Variants in CNTNAP2 observed in about 807,000 individuals in gnomAD.
The protein encoded by CNTNAP2 is contactin associated protein 2.
Under a neutral mutation model 155.2 loss-of-function variants are expected in CNTNAP2, and 98 were observed. That is an observed-to-expected ratio of 0.63 (90% CI 0.54 to 0.75). The LOEUF is 0.75. CNTNAP2 is among the 30% of genes least tolerant of loss of function. The pLI is 0.00. For synonymous variants in CNTNAP2, 651 were observed against 631.2 expected, an observed-to-expected ratio of 1.03 and a Z score of -0.47; for missense variants, 1,727 against 1,688.1, an observed-to-expected ratio of 1.02 and a Z score of -0.40.
intron 8 of CNTNAP2, among the ~76,000 whole-genome samples, chr7:147,284,025 C>G (rs1482640800): frequency 2.6e-5 from 4 of 151,456 alleles, no homozygotes; most frequent in Non-Finnish European, 4.4e-5. Flanking sequence ...TCGGTGAAAT[C>G]TCTTTCATCT....
intron 1 of CNTNAP2, among the ~76,000 whole-genome samples, chr7:146,525,578 C>CTA (rs1563119591): frequency 1.1e-4 from 12 of 106,028 alleles, no homozygotes; most frequent in African/African-American, 3.2e-4. Flanking sequence ...CTATCTATCT[C>CTA]TCTATCTATC....
chr7:148,144,597 G>A (rs1272354351), intron 16 of CNTNAP2, among the ~76,000 whole-genome samples: 4 of 152,168 alleles, frequency 2.6e-5, no homozygotes, highest in Admixed American at 1.3e-4. Context: ...CCTGCAAGTG[G>A]GGTAAAGTCT....
intron 13 of CNTNAP2, among the ~76,000 whole-genome samples, chr7:147,746,179 A>G (rs1265372554): frequency 1.3e-5 from 2 of 152,190 alleles, no homozygotes; most frequent in African/African-American, 2.4e-5. Flanking sequence ...AGTAGTGACA[A>G]TGATTAAAAC....
intron 16 of CNTNAP2, among the ~76,000 whole-genome samples, chr7:148,143,375 G>T (rs1283411967): frequency 6.6e-6 from 1 of 152,126 alleles, no homozygotes; most frequent in African/African-American, 2.4e-5. Flanking sequence ...GATGGCTCTG[G>T]GATTAATTTA....
intron 12 of CNTNAP2, among the ~76,000 whole-genome samples, chr7:147,601,058 T>C (rs1046090784): frequency 1.3e-5 from 2 of 152,156 alleles, no homozygotes; most frequent in Non-Finnish European, 2.9e-5. Context: ...ATATCCAAAA[T>C]TGGAGAGAGC....
intron 1 of CNTNAP2, among the ~76,000 whole-genome samples, chr7:146,241,182 C>T (rs757153548): frequency 6.6e-6 from 1 of 152,174 alleles, no homozygotes; most frequent in Non-Finnish European, 1.5e-5. Context: ...GACAATTCAA[C>T]ATGAGATTTA....
chr7:147,880,854 G>GGGGTGT (rs1419812608), intron 13 of CNTNAP2, among the ~76,000 whole-genome samples: 2 of 143,088 alleles, frequency 1.4e-5, no homozygotes, highest in Admixed American at 7.0e-5. Flanking sequence ...ATTGGAGTTG[G>GGGGTGT]GTGTGTGTGT....
At chr7:146,708,488 G>A (rs2129174615) in intron 1 of CNTNAP2, among the ~76,000 whole-genome samples, 1 of 146,362 alleles carries the variant, frequency 6.8e-6, no homozygotes, top group Non-Finnish European at 1.5e-5. Context: ...GAGCTATTTA[G>A]CCTGAAATAT....
At chr7:148,398,175 G>C (rs966048961) in intron 22 of CNTNAP2, among the ~76,000 whole-genome samples, 8 of 152,216 alleles carry the variant, frequency 5.3e-5, no homozygotes, top group Admixed American at 2.0e-4. Context: ...AGTGGAGACA[G>C]AATCTGGTCA....
intron 11 of CNTNAP2, among the ~76,000 whole-genome samples, chr7:147,554,517 G>C (rs1405237239): frequency 6.6e-6 from 1 of 151,358 alleles, no homozygotes; most frequent in African/African-American, 2.4e-5. Flanking sequence ...CTGGCTTTCA[G>C]AAACTTTTTG....
intron 11 of CNTNAP2, among the ~76,000 whole-genome samples, chr7:147,522,434 G>GA (rs1027127496): frequency 2.6e-5 from 4 of 151,290 alleles, no homozygotes; most frequent in Non-Finnish European, 2.9e-5. Flanking sequence ...TAATATTTTA[G>GA]AAAAAAAACC....
chr7:147,173,358 T>C (rs12531741), intron 8 of CNTNAP2, among the ~76,000 whole-genome samples: 6 of 151,708 alleles, frequency 4.0e-5, no homozygotes, highest in African/African-American at 1.2e-4. Flanking sequence ...TGACTGACAA[T>C]CTCCCAACTT....
At chr7:146,933,685 C>G (rs1457968092) in intron 3 of CNTNAP2, among the ~76,000 whole-genome samples, 1 of 149,718 alleles carries the variant, frequency 6.7e-6, no homozygotes, top group Non-Finnish European at 1.5e-5. Context: ...TCGCAACCTA[C>G]TCATCTGACA....
chr7:148,263,552 C>T (rs1408046506), intron 20 of CNTNAP2, among the ~76,000 whole-genome samples: 1 of 152,034 alleles, frequency 6.6e-6, no homozygotes, highest in Admixed American at 6.6e-5. Context: ...TCCTGGCCAA[C>T]ATAGTGAAAC....
At chr7:146,143,943 A>G (rs958362016) in intron 1 of CNTNAP2, among the ~76,000 whole-genome samples, 1 of 151,954 alleles carries the variant, frequency 6.6e-6, no homozygotes, top group Non-Finnish European at 1.5e-5. Flanking sequence ...TTGTATTTTT[A>G]GTAGATATGG....
At chr7:148,341,666 A>G (rs931283333) in intron 21 of CNTNAP2, among the ~76,000 whole-genome samples, 2 of 152,202 alleles carry the variant, frequency 1.3e-5, no homozygotes, top group African/African-American at 4.8e-5. Context: ...CCTTAGTAGT[A>G]TAGAAATGTT....
intron 13 of CNTNAP2, among the ~76,000 whole-genome samples, chr7:147,799,063 C>T (rs1044200264): frequency 5.9e-5 from 9 of 152,184 alleles, no homozygotes; most frequent in African/African-American, 2.2e-4. Flanking sequence ...TCCCATAACC[C>T]ATGTGCTACA....
chr7:147,469,410 T>C (rs1472113352), intron 10 of CNTNAP2, among the ~76,000 whole-genome samples: 1 of 151,696 alleles, frequency 6.6e-6, no homozygotes, highest in Non-Finnish European at 1.5e-5. Context: ...CCAGGCACTG[T>C]ATGCCAGTGA....
intron 1 of CNTNAP2, among the ~76,000 whole-genome samples, chr7:146,572,264 CTTTTTT>C (rs71165015): frequency 7.9e-5 from 10 of 126,188 alleles, no homozygotes; most frequent in Admixed American, 2.4e-4. Flanking sequence ...TTTCTGTTGT[CTTTTTT>C]TTTTTTTTTT....
Sources: gnomAD v4.1 joint callset for allele counts (sites outside exome capture counted in the v4.1 genomes callset) on GRCh38, gnomAD v4.1.1 for gene constraint, MANE v1.5 for transcripts, NCBI Gene and HGNC (gene_info 2026-07-23, HGNC 2026-07-21) for gene names.